ENDOD1: variants seen among roughly 807,000 people sequenced by gnomAD.
ENDOD1 encodes endonuclease domain containing 1, also known as endonuclease domain-containing 1 protein.
ENDOD1 carries 9 observed loss-of-function variants against 6.5 expected under a neutral mutation model. That is an observed-to-expected ratio of 1.39 (90% CI 0.84 to 2.43). The LOEUF (loss-of-function observed/expected upper bound fraction) is 2.43, where lower values mean the gene tolerates loss of function less well. ENDOD1 is among the 30% of genes most tolerant of loss of function. ENDOD1 has a pLI of 0.00. For synonymous variants in ENDOD1, 255 were observed against 255.2 expected, an observed-to-expected ratio of 1.00 and a Z score of 0.01; for missense variants, 648 against 635.5, an observed-to-expected ratio of 1.02 and a Z score of -0.21.
chr11:95,098,209 T>C (rs185952741), intron 1 of ENDOD1, among the ~76,000 whole-genome samples: 141 of 152,264 alleles, frequency 9.3e-4, no homozygotes, highest in African/African-American at 3.2e-3. Context: ...GAGCTCTTGT[T>C]TAATGGGTAT....
chr11:95,106,389 T>C (rs1270457192), intron 1 of ENDOD1, among the ~76,000 whole-genome samples: 2 of 152,074 alleles, frequency 1.3e-5, no homozygotes, highest in Admixed American at 1.3e-4. Flanking sequence ...CTGACATGGA[T>C]GAGTGGGGGG....
At chr11:95,101,175 T>A (rs10831306) in intron 1 of ENDOD1, among the ~76,000 whole-genome samples, 64,453 of 152,000 alleles carry the variant, frequency 0.42, 15,831 homozygotes, top group Non-Finnish European at 0.57. Flanking sequence ...TATTCAACTA[T>A]GCTATTTTAG....
intron 1 of ENDOD1, among the ~76,000 whole-genome samples, chr11:95,122,284 A>G (rs1238129688): frequency 6.6e-6 from 1 of 152,026 alleles, no homozygotes; most frequent in Non-Finnish European, 1.5e-5. Context: ...GTACAATGGC[A>G]TGATCTTGGC....
chr11:95,122,999 G>T (rs1388423353), intron 1 of ENDOD1, among the ~76,000 whole-genome samples: 1 of 152,034 alleles, frequency 6.6e-6, no homozygotes, highest in East Asian at 1.9e-4. Flanking sequence ...GACCAGCCTG[G>T]CCAACATGGT....
intron 1 of ENDOD1, among the ~76,000 whole-genome samples, chr11:95,091,056 G>A (rs1233141698): frequency 2.0e-5 from 3 of 152,066 alleles, no homozygotes; most frequent in South Asian, 2.1e-4. Flanking sequence ...GTTCTGTCCC[G>A]TCTGGTAAAG....
At chr11:95,113,158 A>C (rs1049802460) in intron 1 of ENDOD1, among the ~76,000 whole-genome samples, 20 of 151,990 alleles carry the variant, frequency 1.3e-4, no homozygotes, top group African/African-American at 4.1e-4. Context: ...AGATATTTTG[A>C]TACAGGCATG....
intron 1 of ENDOD1, among the ~76,000 whole-genome samples, chr11:95,090,665 G>A (rs925516898): frequency 9.9e-5 from 15 of 152,132 alleles, no homozygotes; most frequent in Admixed American, 2.0e-4. Flanking sequence ...TGGGTAGGTG[G>A]GCATTTTCAT....
At chr11:95,119,758 G>A (rs377414851) in intron 1 of ENDOD1, among the ~76,000 whole-genome samples, 1 of 152,340 alleles carries the variant, frequency 6.6e-6, no homozygotes, top group African/African-American at 2.4e-5. Flanking sequence ...AGGGCAGTGA[G>A]TTCCCCCAGG....
chr11:95,105,433 A>G (rs1257546245), intron 1 of ENDOD1, among the ~76,000 whole-genome samples: 1 of 151,866 alleles, frequency 6.6e-6, no homozygotes, highest in African/African-American at 2.4e-5. Context: ...GAATTATTCT[A>G]TTTTTTTTAA....
chr11:95,114,993 A>G (rs1555112341), intron 1 of ENDOD1, among the ~76,000 whole-genome samples: 2 of 152,168 alleles, frequency 1.3e-5, no homozygotes, highest in African/African-American at 4.8e-5. Flanking sequence ...CTATGGTTCC[A>G]TATAGATTTT....
chr11:95,106,539 A>G (rs1279743196), intron 1 of ENDOD1, among the ~76,000 whole-genome samples: 21 of 152,176 alleles, frequency 1.4e-4, no homozygotes, highest in African/African-American at 5.1e-4. Context: ...GAGTAGTGAA[A>G]TGTTCAAAGG....
rs896477311 is a variant in ENDOD1, at chr11:95,120,402, G to T, written c.301-7975G>T. ...AGATGATGAATCCTCCCAGGACTAG[G>T]TCCTTCCCTTCAAGACAACACGTTT... On this transcript the variant is annotated intron_variant, in intron 1 of 1. Transcript: ENST00000278505. Among the ~76,000 whole-genome samples, 9 of 152,150 alleles carry T rather than the reference G, an allele frequency of 5.9e-5. No homozygotes were observed. In the East Asian group the frequency reaches 1.7e-3, roughly 29 times the overall value.
In ENDOD1 at chr11:95,129,789, C is replaced by T; in HGVS notation, c.*210C>T. 1 of 563,646 alleles carries T rather than the reference C, an allele frequency of 1.8e-6. No homozygotes were observed. Among genetic ancestry groups the T allele is most frequent in the East Asian group, 3.0e-5 (1 of 32,792 alleles). 34.9% of individuals were successfully genotyped at this position (563,646 alleles called of 1,614,324 possible). A position where few individuals can be genotyped will look rare whatever the true frequency, so the allele number is the denominator to read the frequency against. Reference sequence around the variant, plus strand: ...ATTAGGTGTAGTAATCTGCTGTTTACCTCCAGTTATATGTGCAAACTCCCA... The same window carrying T: ...ATTAGGTGTAGTAATCTGCTGTTTATCTCCAGTTATATGTGCAAACTCCCA... On this transcript the variant is annotated 3_prime_UTR_variant, in exon 2 of 2. Coordinates refer to ENST00000278505, the MANE Select transcript of ENDOD1 (RefSeq NM_015036.3).
intron 1 of ENDOD1, among the ~76,000 whole-genome samples, chr11:95,122,794 A>G (rs1404073592): frequency 2.6e-5 from 4 of 152,216 alleles, no homozygotes; most frequent in Non-Finnish European, 4.4e-5. Context: ...TGGGATCAAA[A>G]GAAAGTTTTG....
Position 95,117,571 on chromosome 11 carries a change from G to A in ENDOD1, c.301-10806G>A, listed in dbSNP as rs1591017767. Among the ~76,000 whole-genome samples, 3 of 152,208 alleles carry A rather than the reference G, an allele frequency of 2.0e-5. No individual in the cohort carries two copies. The Middle Eastern group carries it at 0.01, about 518-fold the overall frequency. Reference sequence around the variant, plus strand: ...CTGAAATCTGTGTTGTCTGATATAAGCATAGTGACTCCTGCTCTTTTTTGA... The same window carrying A: ...CTGAAATCTGTGTTGTCTGATATAAACATAGTGACTCCTGCTCTTTTTTGA... On this transcript the variant is annotated intron_variant, in intron 1 of 1. Coordinates refer to ENST00000278505, the MANE Select transcript of ENDOD1 (RefSeq NM_015036.3).
chr11:95,112,329 G>A (rs1859159252), intron 1 of ENDOD1, among the ~76,000 whole-genome samples: 1 of 152,222 alleles, frequency 6.6e-6, no homozygotes, highest in Non-Finnish European at 1.5e-5. Flanking sequence ...CTACTGGCAT[G>A]TACTTAGGAG....
At chr11:95,117,817 TGTG>T (rs1380066204) in intron 1 of ENDOD1, among the ~76,000 whole-genome samples, 1 of 152,084 alleles carries the variant, frequency 6.6e-6, no homozygotes, top group Non-Finnish European at 1.5e-5. Context: ...CTGGTTGTCT[TGTG>T]GTCATCTCTT....
At chr11:95,107,933 C>T (rs1859107152) in intron 1 of ENDOD1, among the ~76,000 whole-genome samples, 1 of 152,144 alleles carries the variant, frequency 6.6e-6, no homozygotes, top group South Asian at 2.1e-4. Flanking sequence ...TCACAAAGTT[C>T]TGGGATTACA....
chr11:95,118,555 TTA>T (rs1178734909), intron 1 of ENDOD1, among the ~76,000 whole-genome samples: 14 of 152,190 alleles, frequency 9.2e-5, no homozygotes, highest in African/African-American at 3.1e-4. Flanking sequence ...CCATTGTATT[TTA>T]TATGTTTCTT....
Sources: gnomAD v4.1 joint callset for allele counts (sites outside exome capture counted in the v4.1 genomes callset) on GRCh38, gnomAD v4.1.1 for gene constraint, MANE v1.5 for transcripts, NCBI Gene and HGNC (gene_info 2026-07-23, HGNC 2026-07-21) for gene names.